The following TMC1 variants were observed in gnomAD, a reference collection of about 807,000 sequenced individuals.
TMC1 encodes the protein transmembrane channel-like protein 1.
A neutral mutation model predicts 105.8 loss-of-function variants in TMC1; 84 were observed. The ratio of observed to expected loss-of-function variants is 0.79; its 90% CI spans 0.67 to 0.95. TMC1 has a LOEUF of 0.95. Among genes scored for constraint, TMC1 ranks in the 40% least tolerant of loss-of-function variants. The probability of loss-of-function intolerance (pLI) is 0.00; values close to 1 mark genes in which losing one functional copy is unlikely to be tolerated. For synonymous variants in TMC1, 315 were observed against 311.5 expected (o/e 1.01, Z -0.12); for missense variants, 817 against 914.1 (o/e 0.89, Z 1.37).
intron 18 of TMC1, among the ~76,000 whole-genome samples, chr9:72,811,296 A>C (rs368868718): frequency 6.6e-6 from 1 of 152,190 alleles, no homozygotes; most frequent in Non-Finnish European, 1.5e-5. Flanking sequence ...CAACAAACCT[A>C]TGAAGATTAA....
At chr9:72,833,962 A>G (rs940886222) in intron 23 of TMC1, among the ~76,000 whole-genome samples, 2 of 150,084 alleles carry the variant, frequency 1.3e-5, no homozygotes, top group African/African-American at 4.9e-5. Flanking sequence ...TCATCAATGG[A>G]CTTTTGCTCT....
intron 5 of TMC1, among the ~76,000 whole-genome samples, chr9:72,673,266 G>A (rs1361030067): frequency 2.0e-5 from 3 of 151,240 alleles, no homozygotes; most frequent in Non-Finnish European, 4.4e-5. Context: ...TCTCAAGCCA[G>A]TGATCTCAGT....
chr9:72,574,989 G>A (rs1824352104), intron 1 of TMC1, among the ~76,000 whole-genome samples: 1 of 152,154 alleles, frequency 6.6e-6, no homozygotes, highest in African/African-American at 2.4e-5. Flanking sequence ...TTGGTGTGGT[G>A]ACCAGAGCTG....
chr9:72,610,768 C>A (rs1408198556), intron 2 of TMC1, among the ~76,000 whole-genome samples: 1 of 152,178 alleles, frequency 6.6e-6, no homozygotes, highest in Non-Finnish European at 1.5e-5. Context: ...AAGACTAAAG[C>A]CTGTAGATGA....
At chr9:72,736,509 G>T (rs772858864) in intron 8 of TMC1, among the ~76,000 whole-genome samples, 8 of 152,274 alleles carry the variant, frequency 5.3e-5, no homozygotes, top group Non-Finnish European at 7.3e-5. Context: ...CACTTATCTA[G>T]AAAGTGATAT....
intron 2 of TMC1, among the ~76,000 whole-genome samples, chr9:72,602,356 C>T (rs1824831565): frequency 6.7e-6 from 1 of 148,340 alleles, no homozygotes; most frequent in South Asian, 2.1e-4. Context: ...CTGTGATTCT[C>T]CTATTGGTGA....
intron 12 of TMC1, among the ~76,000 whole-genome samples, chr9:72,756,516 CTTTA>C (rs1162455456): frequency 6.6e-6 from 1 of 152,130 alleles, no homozygotes; most frequent in Non-Finnish European, 1.5e-5. Context: ...TTATCCCTCC[CTTTA>C]TTTATCTCTC....
chr9:72,743,640 GA>G (rs1827437102), intron 10 of TMC1, among the ~76,000 whole-genome samples: 1 of 150,402 alleles, frequency 6.6e-6, no homozygotes, highest in African/African-American at 2.4e-5. Context: ...CTCTGAAGTA[GA>G]ATAAGCAATA....
At chr9:72,754,648 A>C (rs768290180) in intron 11 of TMC1, 138 bp from the exon 12 acceptor site, 27 of 707,948 alleles carry the variant, frequency 3.8e-5, no homozygotes, top group Non-Finnish European at 6.4e-5. Flanking sequence ...TTCCCAGAAA[A>C]TGGGACCCCA....
At chr9:72,647,249 T>G (rs1444841) in intron 4 of TMC1, among the ~76,000 whole-genome samples, 1 of 151,966 alleles carries the variant, frequency 6.6e-6, no homozygotes, top group Non-Finnish European at 1.5e-5. Flanking sequence ...AATAGAAATT[T>G]TTTTATTTTA....
At chr9:72,755,071 GGAGAGAGAGA>G (rs55848138) in intron 12 of TMC1, among the ~76,000 whole-genome samples, 187 bp downstream of exon 12, 1 of 126,936 alleles carries the variant, frequency 7.9e-6, no homozygotes, top group African/African-American at 3.0e-5. Context: ...AGGGAGGGAG[GGAGAGAGAGA>G]GAGAGAGAGA....
chr9:72,600,940 A>G (rs1022734357), intron 2 of TMC1, among the ~76,000 whole-genome samples: 2 of 152,202 alleles, frequency 1.3e-5, no homozygotes, highest in Non-Finnish European at 1.5e-5. Flanking sequence ...CTGCTGGTCC[A>G]GGGACCACAC....
At chr9:72,763,828 G>C (rs1212153409) in intron 12 of TMC1, among the ~76,000 whole-genome samples, 1 of 152,040 alleles carries the variant, frequency 6.6e-6, no homozygotes, top group East Asian at 1.9e-4. Context: ...TTAAGTGGGG[G>C]GTAGGTGGGT....
At chr9:72,631,899 G>T (rs1204173126) in intron 4 of TMC1, among the ~76,000 whole-genome samples, 1 of 152,244 alleles carries the variant, frequency 6.6e-6, no homozygotes, top group Non-Finnish European at 1.5e-5. Flanking sequence ...TAAAGGAAAA[G>T]TCACCAGGGT....
chr9:72,710,087 C>T (rs1826811588), intron 8 of TMC1, among the ~76,000 whole-genome samples: 1 of 152,000 alleles, frequency 6.6e-6, no homozygotes, highest in Non-Finnish European at 1.5e-5. Context: ...TTTTCATTTC[C>T]ATCTTGATTT....
intron 13 of TMC1, among the ~76,000 whole-genome samples, chr9:72,781,158 A>G (rs1304661126): frequency 6.6e-6 from 1 of 152,214 alleles, no homozygotes; most frequent in Non-Finnish European, 1.5e-5. Context: ...ATCAATACCA[A>G]GAGGATCTCT....
chr9:72,749,572 G>A (rs750047136), intron 10 of TMC1, among the ~76,000 whole-genome samples: 1 of 152,082 alleles, frequency 6.6e-6, no homozygotes, highest in Non-Finnish European at 1.5e-5. Context: ...GACAGTGCTG[G>A]GCTGGGCTGA....
At chr9:72,571,526 C>T (rs952268994) in intron 1 of TMC1, among the ~76,000 whole-genome samples, 1 of 149,704 alleles carries the variant, frequency 6.7e-6, no homozygotes, top group African/African-American at 2.5e-5. Context: ...TGGCTCACTG[C>T]ACCTCCACCT....
chr9:72,526,378 C>A (rs1035504985), intron 1 of TMC1, among the ~76,000 whole-genome samples: 4 of 152,264 alleles, frequency 2.6e-5, no homozygotes, highest in African/African-American at 9.6e-5. Context: ...CAGTAAAAAA[C>A]CCTCAATGGA....
Sources: allele counts gnomAD v4.1 joint callset (sites outside exome capture counted in the v4.1 genomes callset), GRCh38; gene constraint gnomAD v4.1.1; transcripts MANE v1.5; gene names NCBI Gene and HGNC (gene_info 2026-07-23, HGNC 2026-07-21).